ANO9: variants seen among roughly 807,000 people sequenced by gnomAD.
ANO9 encodes anoctamin-9.
In ANO9, 80 loss-of-function variants were observed where a neutral mutation model predicts 100.5. The observed-to-expected ratio is 0.80, with a 90% CI of 0.66 to 0.96. The LOEUF (loss-of-function observed/expected upper bound fraction) is 0.96, where lower values mean the gene tolerates loss of function less well. Ranked by LOEUF, ANO9 falls within the 40% of genes least tolerant of loss-of-function variation. ANO9 has a pLI of 0.00. For missense variants in ANO9, 1,064 were observed against 1,072.7 expected (o/e 0.99, Z 0.11); for synonymous variants, 473 against 435.6 (o/e 1.09, Z -1.07).
At chr11:440,867 G>A (rs778021598) in intron 1 of ANO9, among the ~76,000 whole-genome samples, 2 of 152,242 alleles carry the variant, frequency 1.3e-5, no homozygotes, top group African/African-American at 2.4e-5. Flanking sequence ...CGGAGTAGCC[G>A]GGACCACAGG....
intron 15 of ANO9, among the ~76,000 whole-genome samples, chr11:424,976 C>T (rs979197916): frequency 2.1e-5 from 3 of 144,780 alleles, no homozygotes; most frequent in Non-Finnish European, 4.5e-5. Flanking sequence ...ACGGGACGCG[C>T]GGGAGGAAAA....
rs954857631 is a variant in ANO9, at chr11:422,042, G to A, written c.1335-844C>T. Among the ~76,000 whole-genome samples, 1 of 152,202 alleles carries A rather than the reference G, an allele frequency of 6.6e-6. No individual in the cohort carries two copies. Among genetic ancestry groups the A allele is most frequent in the Admixed American group, 6.5e-5 (1 of 15,284 alleles). On this transcript the variant is annotated intron_variant, in intron 15 of 22. Transcript: ENST00000332826. This position sits in a 1 kb window ranked among gnomAD's most constrained non-coding sequence, Gnocchi z 4.3. The stretch of plus-strand genomic sequence containing the variant: ...GAAAGCCTGGGTGGATAAATCAATC[G>A]AGTGCTCAAGTGGATACAAAACGAG...
intron 19 of ANO9, chr11:419,951 AATC>A: frequency 7.1e-7 from 1 of 1,405,020 alleles, no homozygotes; most frequent in Non-Finnish European, 9.2e-7. Flanking sequence ...GGAACCTGGG[AATC>A]CTCATCCTCC....
chr11:439,055 C>G (rs1051746505), intron 1 of ANO9, among the ~76,000 whole-genome samples: 8 of 152,206 alleles, frequency 5.3e-5, no homozygotes, highest in Non-Finnish European at 8.8e-5. Context: ...CCCCAGGCCT[C>G]AGTTTCCTCG....
chr11:419,175 G>A lies in ANO9; in HGVS notation c.1935-186C>T, dbSNP rs1033486306. The A allele has an allele frequency of 5.6e-6, 8 of 1,435,780 alleles. No homozygotes were observed. In the Admixed American group the frequency reaches 2.0e-4, roughly 35 times the overall value. The allele number at this position is 1,435,780 out of a possible 1,614,324, so 88.9% of individuals were successfully genotyped here. On this transcript the variant is annotated intron_variant, in intron 20 of 22. Transcript: ENST00000332826. ...CACATCCGGGGGCCTTGTGGGGACT[G>A]TGGGGACTCTGGGCATCACCAGCCA...
Position 432,078 on chromosome 11 carries a change from C to G in ANO9, c.351-24G>C, listed in dbSNP as rs776083437. 6.2e-7 allele frequency: 1 copy of G among 1,612,216 alleles called. No homozygotes were observed. Reference sequence around the variant, plus strand: ...GACTCAAGAGCCAGAGCAGGGTGGCCCCGTGTGACCACAGTGGACCCTGCC... The same window carrying G: ...GACTCAAGAGCCAGAGCAGGGTGGCGCCGTGTGACCACAGTGGACCCTGCC... On this transcript the variant is annotated intron_variant, in intron 4 of 22. Coordinates refer to ENST00000332826, the MANE Select transcript of ANO9 (RefSeq NM_001012302.3). This position sits in a 1 kb window ranked among gnomAD's most constrained non-coding sequence, Gnocchi z 4.8.
At chr11:439,950 G>A (rs1409440818) in intron 1 of ANO9, among the ~76,000 whole-genome samples, 2 of 152,250 alleles carry the variant, frequency 1.3e-5, no homozygotes, top group Non-Finnish European at 2.9e-5. Context: ...CGTGGCGTTC[G>A]TGGACGCAGG....
At chr11:434,259 G>T (rs932033477) in intron 1 of ANO9, among the ~76,000 whole-genome samples, 161 bp from the exon 2 acceptor site, 3 of 152,220 alleles carry the variant, frequency 2.0e-5, no homozygotes, top group African/African-American at 7.2e-5. Flanking sequence ...CGGGTGACAG[G>T]CCAGAGGGCC....
intron 20 of ANO9, 148 bp downstream of exon 20, chr11:419,434 G>C: frequency 7.0e-7 from 1 of 1,435,718 alleles, no homozygotes; most frequent in South Asian, 1.5e-5. Flanking sequence ...GCGCAGGGCA[G>C]GGGCCACCCC....
chr11:441,044 G>A (rs1231144933), intron 1 of ANO9, among the ~76,000 whole-genome samples: 1 of 152,182 alleles, frequency 6.6e-6, no homozygotes, highest in Non-Finnish European at 1.5e-5. Context: ...CCTGAGCTCA[G>A]GCTAAGGGGC....
At chr11:419,069 C>T (rs1848014733) in intron 20 of ANO9, 80 bp from the exon 21 acceptor site, 7 of 1,593,862 alleles carry the variant, frequency 4.4e-6, no homozygotes, top group East Asian at 4.5e-5. Flanking sequence ...TTCTAGCCTG[C>T]GTTGTGGAGC....
chr11:429,418 G>C, intron 11 of ANO9, 152 bp downstream of exon 11: 1 of 1,471,544 alleles, frequency 6.8e-7, no homozygotes, highest in South Asian at 1.4e-5. Flanking sequence ...CGCCTCACAG[G>C]TGGACAGACC....
chr11:420,369 A>G, intron 19 of ANO9, 94 bp downstream of exon 19: 1 of 1,528,748 alleles, frequency 6.5e-7, no homozygotes, highest in Admixed American at 2.0e-5. Context: ...GATCCGAGAG[A>G]TTATTTTTTC....
At chr11:423,393 T>TG (rs2133684037) in intron 15 of ANO9, among the ~76,000 whole-genome samples, 1 of 152,286 alleles carries the variant, frequency 6.6e-6, no homozygotes, top group African/African-American at 2.4e-5. Context: ...AGAATGGTGA[T>TG]GGGGATGGTT....
At chr11:439,551 A>G (rs1009887776) in intron 1 of ANO9, among the ~76,000 whole-genome samples, 1 of 152,130 alleles carries the variant, frequency 6.6e-6, no homozygotes, top group African/African-American at 2.4e-5. Flanking sequence ...CCCACGACGC[A>G]CATCCCCCCA....
chr11:419,222 C>T, intron 20 of ANO9: 9 of 1,426,150 alleles, frequency 6.3e-6, no homozygotes, highest in Non-Finnish European at 8.2e-6. Flanking sequence ...AGAGACTGGC[C>T]CTGGGGACCC....
In ANO9 at chr11:430,227, G is replaced by C. The variant is rs1848815431; in HGVS notation, c.674+42C>G. Reference sequence around the variant, plus strand: ...GGGGTCGGCTCCTCCAGGCAGCAGGGCCCACCCCGGCCCCCCATGCCCGGC... The same window carrying C: ...GGGGTCGGCTCCTCCAGGCAGCAGGCCCCACCCCGGCCCCCCATGCCCGGC... On this transcript the variant is annotated intron_variant, in intron 8 of 22. Transcript: ENST00000332826. 1.9e-6 allele frequency: 3 copies of C among 1,550,820 alleles called. No homozygotes were observed. In the South Asian group the frequency reaches 3.6e-5, roughly 18 times the overall value.
Position 433,796 on chromosome 11 carries a change from T to C in ANO9, c.204+19A>G. ...CGCCCCGGCCCCATGGCCCTGCCCC[T>C]CGCTGGGCACCCGCCCACCTTAATG... On this transcript the variant is annotated intron_variant, in intron 3 of 22. Transcript: ENST00000332826. 6.4e-7 allele frequency: 1 copy of C among 1,550,870 alleles called. No individual in the cohort carries two copies. Among genetic ancestry groups the C allele is most frequent in the Non-Finnish European group, 8.7e-7 (1 of 1,148,006 alleles).
chr11:419,236 C>T (rs1848029720), intron 20 of ANO9: 4 of 1,425,000 alleles, frequency 2.8e-6, no homozygotes, highest in Admixed American at 2.9e-5. Context: ...GGGACCCAGT[C>T]TGCAGTTTGG....
Sources: gnomAD v4.1 joint callset for allele counts (sites outside exome capture counted in the v4.1 genomes callset) on GRCh38, gnomAD v4.1.1 for gene constraint, Gnocchi (gnomAD v3.1) non-coding constraint, MANE v1.5 for transcripts, NCBI Gene and HGNC (gene_info 2026-07-23, HGNC 2026-07-21) for gene names.